ZNF12: variants seen among roughly 807,000 people sequenced by gnomAD.
The protein encoded by ZNF12 is gonadotropin inducible transcription repressor 3.
A neutral mutation model predicts 66.6 loss-of-function variants in ZNF12; 34 were observed. That is an observed-to-expected ratio of 0.51 (90% confidence interval 0.39 to 0.68). The LOEUF (loss-of-function observed/expected upper bound fraction) is 0.68, where lower values mean the gene tolerates loss of function less well. Ranked by LOEUF, ZNF12 falls within the 30% of genes least tolerant of loss-of-function variation. ZNF12 has a pLI of 0.00. For synonymous variants in ZNF12, 320 were observed against 278.9 expected (o/e 1.15, Z -1.47); for missense variants, 697 against 826.9 (o/e 0.84, Z 1.93).
intron 2 of ZNF12, among the ~76,000 whole-genome samples, chr7:6,699,588 G>A (rs757429590): frequency 3.3e-5 from 5 of 152,206 alleles, no homozygotes; most frequent in African/African-American, 1.2e-4. Context: ...TTGTTCAGAC[G>A]TCATCCACCA....
In ZNF12 at chr7:6,688,790, T is replaced by G. The variant is rs1344426048; in HGVS notation, c.*2058A>C. ...TTAGATCCTTACCTCATACTATATG[T>G]TGTCAGCTAACACTGTAGCAGTGGT... is the stretch of plus-strand genomic sequence containing the variant. On this transcript the variant is annotated 3_prime_UTR_variant, in exon 5 of 5. Transcript: ENST00000405858. This position sits in a 1 kb window ranked among gnomAD's most constrained non-coding sequence, Gnocchi z 4.3. 1 of 152,480 alleles carries G rather than the reference T, an allele frequency of 6.6e-6. No individual in the cohort carries two copies. Among genetic ancestry groups the G allele is most frequent in the Non-Finnish European group, 1.5e-5 (1 of 68,048 alleles). 9.4% of individuals were successfully genotyped at this position (152,480 alleles called of 1,614,324 possible).
rs1196886012 is a variant in ZNF12 at position 6,690,258 on chromosome 7, A to G, written c.*590T>C. The G allele has an allele frequency of 6.6e-6, 1 of 152,248 alleles. No individual in the cohort carries two copies. The highest frequency in any genetic ancestry group is 2.4e-5 in the African/African-American group (1 of 41,468). The allele number at this position is 152,248 out of a possible 1,614,324, so 9.4% of individuals were successfully genotyped here. A position where few individuals can be genotyped will look rare whatever the true frequency, so the allele number is the denominator to read the frequency against. ...ATAAGGATACAACGTTTTTTCAAAC[A>G]TGATTCGAAGTGAACATACAATTCC... On this transcript the variant is annotated 3_prime_UTR_variant, in exon 5 of 5. Transcript: ENST00000405858.
Position 6,705,228 on chromosome 7 carries a change from G to C in ZNF12, c.-50-5C>G. 1 of 1,611,844 alleles carries C rather than the reference G, an allele frequency of 6.2e-7. No individual in the cohort carries two copies. Among genetic ancestry groups the C allele is most frequent in the Non-Finnish European group, 8.5e-7 (1 of 1,178,682 alleles). On this transcript the variant is annotated splice_region_variant and splice_polypyrimidine_tract_variant and intron_variant, in intron 1 of 4. Coordinates refer to ENST00000405858, the MANE Select transcript of ZNF12 (RefSeq NM_016265.4). The surrounding 1 kb of genome is among the most constrained non-coding windows in gnomAD (Gnocchi z 4.0). ...ACTGTGAAAGCGGAGGCAGATCTGG[G>C]GAAGGAAAACCCAAGCCATGGCGTT...
intron 4 of ZNF12, among the ~76,000 whole-genome samples, chr7:6,694,023 C>T (rs367907597): frequency 4.4e-4 from 67 of 152,036 alleles, no homozygotes; most frequent in African/African-American, 1.5e-3. Flanking sequence ...AAAAATTAGC[C>T]GGGCGTGGTG....
chr7:6,703,423 A>G (rs2115356414), intron 2 of ZNF12, among the ~76,000 whole-genome samples: 1 of 152,318 alleles, frequency 6.6e-6, no homozygotes, highest in Middle Eastern at 3.4e-3. Context: ...CAGGATAAAA[A>G]CCATCTAGAA....
chr7:6,703,063 C>T (rs966447687), intron 2 of ZNF12, among the ~76,000 whole-genome samples: 2 of 152,036 alleles, frequency 1.3e-5, no homozygotes, highest in South Asian at 4.1e-4. Context: ...CACACACACA[C>T]ACCCCTACCT....
intron 4 of ZNF12, among the ~76,000 whole-genome samples, chr7:6,693,558 T>C (rs971654534): frequency 6.6e-6 from 1 of 152,228 alleles, no homozygotes; most frequent in African/African-American, 2.4e-5. Flanking sequence ...ACAGTATATT[T>C]AATAGCATGA....
Position 6,698,002 on chromosome 7 carries a change from A to C in ZNF12, c.16-191T>G. 1.2e-6 allele frequency: 1 copy of C among 818,756 alleles called. No individual in the cohort carries two copies. Among genetic ancestry groups the C allele is most frequent in the South Asian group, 1.3e-5 (1 of 75,000 alleles). The allele number at this position is 818,756 out of a possible 1,614,324, so 50.7% of individuals were successfully genotyped here. ...TCATTCAGTATACATCAAACAAAAA[A>C]CAAAAAACAAAAAAACAACACTGGG... On this transcript the variant is annotated intron_variant, in intron 2 of 4. Coordinates refer to ENST00000405858, the MANE Select transcript of ZNF12 (RefSeq NM_016265.4). The surrounding 1 kb of genome is among the most constrained non-coding windows in gnomAD (Gnocchi z 4.4).
At chr7:6,695,933 G>C (rs1468416196) in intron 4 of ZNF12, among the ~76,000 whole-genome samples, 1 of 152,228 alleles carries the variant, frequency 6.6e-6, no homozygotes, top group Non-Finnish European at 1.5e-5. Context: ...GACATTAGGA[G>C]TGTGAACCAA....
At chr7:6,704,950 T>C (rs982447705) in intron 2 of ZNF12, among the ~76,000 whole-genome samples, 2 of 152,148 alleles carry the variant, frequency 1.3e-5, no homozygotes, top group Non-Finnish European at 2.9e-5. Context: ...CATAAGACGC[T>C]TGTACTCTGA....
chr7:6,695,613 ATCTC>A (rs1562599724), intron 4 of ZNF12, among the ~76,000 whole-genome samples: 1 of 152,252 alleles, frequency 6.6e-6, no homozygotes, highest in African/African-American at 2.4e-5. Context: ...AGAAAGAAAT[ATCTC>A]TCTCTGTTAC....
intron 2 of ZNF12, among the ~76,000 whole-genome samples, chr7:6,700,566 C>A (rs368871363): frequency 1.3e-3 from 194 of 152,266 alleles, no homozygotes; most frequent in African/African-American, 4.3e-3. Flanking sequence ...GTGTCACTGA[C>A]TCAATCCCCT....
chr7:6,690,631 A>C lies in ZNF12; in HGVS notation c.*217T>G, dbSNP rs1780050679. The C allele has an allele frequency of 4.1e-6, 2 of 492,516 alleles. No homozygotes were observed. Among genetic ancestry groups the C allele is most frequent in the Non-Finnish European group, 7.1e-6 (2 of 283,642 alleles). 30.5% of individuals were successfully genotyped at this position (492,516 alleles called of 1,614,324 possible). A position where few individuals can be genotyped will look rare whatever the true frequency, so the allele number is the denominator to read the frequency against. On this transcript the variant is annotated 3_prime_UTR_variant, in exon 5 of 5. Coordinates refer to ENST00000405858, the MANE Select transcript of ZNF12 (RefSeq NM_016265.4). ...TGTATATACATTCTTAATATTTATA[A>C]ATTTTTACTTGTCTATAGTCTAGTA... is the stretch of plus-strand genomic sequence containing the variant.
chr7:6,692,038 A>G lies in ZNF12; in HGVS notation c.904T>C (p.Cys302Arg). The G allele has an allele frequency of 6.2e-7, 1 of 1,613,616 alleles. No homozygotes were observed. The highest frequency in any genetic ancestry group is 8.5e-7 in the Non-Finnish European group (1 of 1,179,642). ...CCCTTCTGGCAGAAGGATTTCCCACACTGATTACATTCGTAAGGTTTCTCT... is the reference window on the plus strand; with the variant it reads ...CCCTTCTGGCAGAAGGATTTCCCACGCTGATTACATTCGTAAGGTTTCTCT... ...TGEKPYECNQ[C>R]GKSFCQKGTL... The change falls in exon 5 of 5, where the codon TGT (cysteine) becomes CGT (arginine). Residue 302 changes from cysteine to arginine, a missense_variant. Physicochemically the swap from Cys to Arg is radical, Grantham distance 180 (BLOSUM62 -3). This residue lies in a region of ZNF12 where 401 missense variants were observed against 519.0 expected (regional missense o/e 0.77). Transcript: ENST00000405858. The surrounding 1 kb of genome is among the most constrained non-coding windows in gnomAD (Gnocchi z 5.1).
At position 6,705,906 on chromosome 7, in the gene ZNF12, T is replaced by G; in HGVS notation, c.-51+526A>C. Among the ~76,000 whole-genome samples the G allele has an allele frequency of 6.6e-6, 1 of 152,200 alleles. No homozygotes were observed. The highest frequency in any genetic ancestry group is 6.5e-5 in the Admixed American group (1 of 15,282). ...TGTGCTACTCAAAAGGATCTTTTAT[T>G]GAAGAACTTACGCTCACTTAACTAG... On this transcript the variant is annotated intron_variant, in intron 1 of 4. Transcript: ENST00000405858. This position sits in a 1 kb window ranked among gnomAD's most constrained non-coding sequence, Gnocchi z 4.0.
rs772655749 is a variant in ZNF12, at chr7:6,688,895, G to A, written c.*1953C>T. On this transcript the variant is annotated 3_prime_UTR_variant, in exon 5 of 5. Coordinates refer to ENST00000405858, the MANE Select transcript of ZNF12 (RefSeq NM_016265.4). The surrounding 1 kb of genome is among the most constrained non-coding windows in gnomAD (Gnocchi z 4.3). ...GGAGGTATGCCTAACATTGTGTCAC[G>A]TTCCAAAGGTGAATTTTGCAGGTCA... 4.6e-5 allele frequency: 7 copies of A among 152,620 alleles called. No homozygotes were observed. The highest frequency in any genetic ancestry group is 2.1e-4 in the South Asian group (1 of 4,830). The allele number at this position is 152,620 out of a possible 1,614,324, so 9.5% of individuals were successfully genotyped here. A position where few individuals can be genotyped will look rare whatever the true frequency, so the allele number is the denominator to read the frequency against.
In ZNF12 at chr7:6,692,842, G is replaced by A. The variant is rs116916214; in HGVS notation, c.239-139C>T. 21,415 of 789,614 alleles carry A rather than the reference G, an allele frequency of 0.027. 398 individuals carry two copies. Among genetic ancestry groups the A allele is most frequent in the Middle Eastern group, 0.059 (153 of 2,580 alleles). The allele number at this position is 789,614 out of a possible 1,614,324, so 48.9% of individuals were successfully genotyped here. A position where few individuals can be genotyped will look rare whatever the true frequency, so the allele number is the denominator to read the frequency against. On this transcript the variant is annotated intron_variant, in intron 4 of 4. Transcript: ENST00000405858. This position sits in a 1 kb window ranked among gnomAD's most constrained non-coding sequence, Gnocchi z 5.1. ...TGAACAGATGAAAATAATTCCAAGT[G>A]TACTCTTCTCCTTTATGCTTTTGCT...
chr7:6,688,640 G>C lies in ZNF12; in HGVS notation c.*2208C>G, dbSNP rs1780023237. On this transcript the variant is annotated 3_prime_UTR_variant, in exon 5 of 5. Transcript: ENST00000405858. The surrounding 1 kb of genome is among the most constrained non-coding windows in gnomAD (Gnocchi z 4.3). ...TTGAAGAATATGGAGAAAAAGTGCT[G>C]AGTGACAAAAACAGGAGCCATGTGT... 1 of 152,140 alleles carries C rather than the reference G, an allele frequency of 6.6e-6. No homozygotes were observed. Among genetic ancestry groups the C allele is most frequent in the Non-Finnish European group, 1.5e-5 (1 of 68,032 alleles). 9.4% of individuals were successfully genotyped at this position (152,140 alleles called of 1,614,324 possible).
At position 6,691,683 on chromosome 7, in the gene ZNF12, C is replaced by A. The variant is rs748127276; in HGVS notation, c.1259G>T (p.Arg420Leu). Residue 420 changes from arginine to leucine, a missense_variant, in exon 5 of 5, where the codon CGC becomes CTC. This residue lies in a region of ZNF12 where 401 missense variants were observed against 519.0 expected (regional missense o/e 0.77). Coordinates refer to ENST00000405858, the MANE Select transcript of ZNF12 (RefSeq NM_016265.4). ...CAGGTGGGTCGTGAGAGTAGACTTG[C>A]GGCAGAAGCATTTCCCACATTCACT... The part of the protein sequence containing the change: ...KCSECGKCFC[R>L]KSTLTTHLRT... The A allele has an allele frequency of 1.9e-6, 3 of 1,612,700 alleles. No individual in the cohort carries two copies. The highest frequency in any genetic ancestry group is 2.5e-6 in the Non-Finnish European group (3 of 1,179,554).
Sources: gnomAD v4.1 joint callset for allele counts (sites outside exome capture counted in the v4.1 genomes callset) on GRCh38, gnomAD v4.1.1 for gene constraint, gnomAD v4.1.1 regional missense constraint, Gnocchi (gnomAD v3.1) non-coding constraint, MANE v1.5 for transcripts, NCBI Gene and HGNC (gene_info 2026-07-23, HGNC 2026-07-21) for gene names.